NAB2: variants seen among roughly 807,000 people sequenced by gnomAD.
NAB2 encodes the protein NGFI-A binding protein 2.
NAB2 carries 9 observed loss-of-function variants against 44.2 expected under a neutral mutation model. The observed-to-expected ratio is 0.20, with a 90% confidence interval of 0.12 to 0.36. The LOEUF (loss-of-function observed/expected upper bound fraction) is 0.36. NAB2 is among the 10% of genes least tolerant of loss of function. NAB2 has a pLI of 1.00. For missense variants in NAB2, 514 were observed against 709.0 expected (o/e 0.73, Z 3.12); for synonymous variants, 342 against 291.0 (o/e 1.18, Z -1.78).
At position 57,095,326 on chromosome 12, in the gene NAB2, C is replaced by T. The variant is rs1565675657; in HGVS notation, c.*605C>T. The stretch of plus-strand genomic sequence containing the variant: ...TGTGGGATCCCTTCACTGGCCCCCT[C>T]GGGAGGCCTGGGTTGGACTCAGGGT... On this transcript the variant is annotated 3_prime_UTR_variant, in exon 7 of 7. Transcript: ENST00000300131. The T allele has an allele frequency of 1.3e-5, 2 of 153,028 alleles. No individual in the cohort carries two copies. Among genetic ancestry groups the T allele is most frequent in the African/African-American group, 2.4e-5 (1 of 41,452 alleles). The allele number at this position is 153,028 out of a possible 1,614,324, so 9.5% of individuals were successfully genotyped here. A position where few individuals can be genotyped will look rare whatever the true frequency, so the allele number is the denominator to read the frequency against.
chr12:57,094,870 T>G lies in NAB2; in HGVS notation c.*149T>G. ...CACCTGCTCCATGGGCATAAGACTG[T>G]GGGGCTTCAAGCAATAACAAGCAGA... On this transcript the variant is annotated 3_prime_UTR_variant, in exon 7 of 7. Coordinates refer to ENST00000300131, the MANE Select transcript of NAB2 (RefSeq NM_005967.4). 3.1e-6 allele frequency: 2 copies of G among 649,292 alleles called. No individual in the cohort carries two copies. Among genetic ancestry groups the G allele is most frequent in the Non-Finnish European group, 5.3e-6 (2 of 380,308 alleles). The allele number at this position is 649,292 out of a possible 1,614,324, so 40.2% of individuals were successfully genotyped here.
intron 2 of NAB2, 33 bp downstream of exon 2, chr12:57,092,031 T>G: frequency 6.4e-7 from 1 of 1,571,592 alleles, no homozygotes; most frequent in South Asian, 1.2e-5. Flanking sequence ...GGATTGCCCT[T>G]GACTTCCAGG....
Position 57,093,198 on chromosome 12 carries a change from G to C in NAB2, c.1276+3G>C. 2 of 1,595,616 alleles carry C rather than the reference G, an allele frequency of 1.3e-6. No homozygotes were observed. The highest frequency in any genetic ancestry group is 1.7e-6 in the Non-Finnish European group (2 of 1,173,988). On this transcript the variant is annotated splice_donor_region_variant and intron_variant, in intron 5 of 6. Transcript: ENST00000300131. Reference sequence around the variant, plus strand: ...GAGTCTGGATGGACATTTGCAGGGTGAGTGTGCCTCAGAACACTTTTCTCT... The same window carrying C: ...GAGTCTGGATGGACATTTGCAGGGTCAGTGTGCCTCAGAACACTTTTCTCT...
intron 6 of NAB2, 78 bp from the exon 7 acceptor site, chr12:57,094,534 C>A: frequency 1.7e-6 from 2 of 1,156,778 alleles, no homozygotes; most frequent in South Asian, 1.3e-5. Context: ...GCTTTCTTTG[C>A]CCCTGCTTCT....
intron 1 of NAB2, 135 bp downstream of exon 1, chr12:57,089,489 G>A (rs1592530457): frequency 1.3e-6 from 1 of 755,938 alleles, no homozygotes; most frequent in East Asian, 3.2e-5. Context: ...TGATGGAAAA[G>A]GGGGTGCGTC....
chr12:57,093,222 C>T (rs1304491997), intron 5 of NAB2, 27 bp downstream of exon 5: 4 of 1,314,234 alleles, frequency 3.0e-6, no homozygotes, highest in Admixed American at 1.9e-5. Flanking sequence ...ACACTTTTCT[C>T]TTCATTGAGG....
chr12:57,092,575 G>A lies in NAB2; in HGVS notation c.1085G>A (p.Gly362Asp). ...AGCACCTACTTGTCCTCCTTGAAGG[G>A]CTCCAGGTGAGACCCCTTCCCCAGG... ...RESTYLSSLK[G>D]SRLHPEELGG... The change falls in exon 3 of 7, where the codon GGC becomes GAC. Residue 362 changes from glycine to aspartate, a missense_variant. By Grantham distance (94) the Gly-to-Asp change is moderately conservative. Coordinates refer to ENST00000300131, the MANE Select transcript of NAB2 (RefSeq NM_005967.4). 6.2e-7 allele frequency: 1 copy of A among 1,614,082 alleles called. No homozygotes were observed. The highest frequency in any genetic ancestry group is 8.5e-7 in the Non-Finnish European group (1 of 1,180,000).
chr12:57,092,239 A>T, intron 2 of NAB2: 1 of 981,624 alleles, frequency 1.0e-6, no homozygotes, highest in East Asian at 2.6e-5. Flanking sequence ...AGGACCCCAC[A>T]GGAGAGGAGG....
intron 3 of NAB2, 114 bp from the exon 4 acceptor site, chr12:57,092,803 G>T (rs1450790844): frequency 2.1e-6 from 3 of 1,447,218 alleles, no homozygotes; most frequent in Non-Finnish European, 2.9e-6. Flanking sequence ...CTCTTTCTCG[G>T]CCAGCTTCTT....
Position 57,091,299 on chromosome 12 carries a change from T to G in NAB2, c.258T>G (p.Leu86=), listed in dbSNP as rs144871450. The G allele has an allele frequency of 1.3e-4, 202 of 1,610,928 alleles. 2 individuals carry two copies. The African/African-American group carries it at 1.8e-3, about 15-fold the overall frequency. Residue 86 remains leucine, a synonymous_variant, in exon 2 of 7, where the codon CTT becomes CTG. Transcript: ENST00000300131. The surrounding 1 kb of genome is among the most constrained non-coding windows in gnomAD (Gnocchi z 7.3). The part of the protein sequence containing the change: ...GEEEFLEIMA[L]VGMATKPLHV... The stretch of plus-strand genomic sequence containing the variant: ...AGGAGTTTCTGGAGATCATGGCACT[T>G]GTGGGCATGGCCACCAAGCCCCTCC...
rs1047137055 is a variant in NAB2, at chr12:57,092,567, C to T, written c.1077C>T (p.Ser359=). The T allele has an allele frequency of 1.9e-6, 3 of 1,614,014 alleles. No individual in the cohort carries two copies. The highest frequency in any genetic ancestry group is 2.7e-5 in the African/African-American group (2 of 74,914). ...QVARESTYLS[S]LKGSRLHPEE... is the part of the protein sequence containing the mutation. ...CCCGAGAGAGCACCTACTTGTCCTC[C>T]TTGAAGGGCTCCAGGTGAGACCCCT... The change falls in exon 3 of 7, where the codon TCC becomes TCT. Residue 359 remains serine, a synonymous_variant. Transcript: ENST00000300131.
At position 57,095,043 on chromosome 12, in the gene NAB2, T is replaced by C. The variant is rs2033319399; in HGVS notation, c.*322T>C. On this transcript the variant is annotated 3_prime_UTR_variant, in exon 7 of 7. Transcript: ENST00000300131. Reference sequence around the variant, plus strand: ...TCTCTTTAGGTTTGCACCAGTGGTGTGAGCAGTTGGACTCAGTTTGGACAA... The same window carrying C: ...TCTCTTTAGGTTTGCACCAGTGGTGCGAGCAGTTGGACTCAGTTTGGACAA... 1 of 288,786 alleles carries C rather than the reference T, an allele frequency of 3.5e-6. No individual in the cohort carries two copies. Among genetic ancestry groups the C allele is most frequent in the African/African-American group, 2.2e-5 (1 of 45,420 alleles). The allele number at this position is 288,786 out of a possible 1,614,324, so 17.9% of individuals were successfully genotyped here.
chr12:57,089,911 A>C (rs2033145461), intron 1 of NAB2, among the ~76,000 whole-genome samples: 1 of 152,100 alleles, frequency 6.6e-6, no homozygotes, highest in African/African-American at 2.4e-5. Context: ...CCCCCACTCC[A>C]CTTGAAGATG....
Position 57,091,354 on chromosome 12 carries a change from G to C in NAB2, c.313G>C (p.Glu105Gln), listed in dbSNP as rs941575820. The change falls in exon 2 of 7, where the codon GAG becomes CAG. Residue 105 changes from glutamate to glutamine, a missense_variant. Physicochemically the swap from Glu to Gln is conservative, Grantham distance 29. Coordinates refer to ENST00000300131, the MANE Select transcript of NAB2 (RefSeq NM_005967.4). The surrounding 1 kb of genome is among the most constrained non-coding windows in gnomAD (Gnocchi z 7.3). ...HVRRLQKALR[E>Q]WATNPGLFSQ... ...CCGGCGCCTGCAGAAGGCACTGAGA[G>C]AGTGGGCCACCAATCCAGGGCTCTT... The C allele has an allele frequency of 6.2e-6, 10 of 1,614,078 alleles. No individual in the cohort carries two copies. Among genetic ancestry groups the C allele is most frequent in the Non-Finnish European group, 8.5e-6 (10 of 1,180,016 alleles).
Position 57,091,673 on chromosome 12 carries a change from C to T in NAB2, c.632C>T (p.Pro211Leu), listed in dbSNP as rs1371106131. The T allele has an allele frequency of 6.2e-7, 1 of 1,611,766 alleles. No homozygotes were observed. The highest frequency in any genetic ancestry group is 8.5e-7 in the Non-Finnish European group (1 of 1,178,718). Residue 211 changes from proline to leucine, a missense_variant, in exon 2 of 7, where the codon CCT becomes CTT. Transcript: ENST00000300131. This position sits in a 1 kb window ranked among gnomAD's most constrained non-coding sequence, Gnocchi z 7.3. ...GCTGGCTCGCCCCCCTTCTCCCCCC[C>T]TGCAGGGGGAGGAGTCCCTGAGGGG... ...EEAGSPPFSP[P>L]AGGGVPEGTG...
Position 57,091,472 on chromosome 12 carries a change from G to A in NAB2, c.431G>A (p.Gly144Glu). The change falls in exon 2 of 7, where the codon GGG becomes GAG. Residue 144 changes from glycine to glutamate, a missense_variant. By Grantham distance (98) the Gly-to-Glu change is moderately conservative. Transcript: ENST00000300131. The surrounding 1 kb of genome is among the most constrained non-coding windows in gnomAD (Gnocchi z 7.3). ...ACCCGGAAAGGGAGCATGAGCAATG[G>A]GCATGGCAGCCCAGGGGAAAAGGCA... ...AGTRKGSMSN[G>E]HGSPGEKAGS... The A allele has an allele frequency of 2.5e-6, 4 of 1,614,196 alleles. No individual in the cohort carries two copies. The highest frequency in any genetic ancestry group is 3.4e-6 in the Non-Finnish European group (4 of 1,180,046).
chr12:57,089,375 A>G (rs2033122404), intron 1 of NAB2, 21 bp downstream of exon 1: 1 of 1,438,118 alleles, frequency 7.0e-7, no homozygotes, highest in African/African-American at 1.5e-5. Context: ...AAAGGGAGGC[A>G]GCGGGGAGTG....
Position 57,093,474 on chromosome 12 carries a change from G to T in NAB2, c.1344G>T (p.Gly448=). The part of the protein sequence containing the change: ...ADLPLALPAH[G]LWSRHILQQT... ...TGCCTCTGGCATTGCCAGCCCATGGGCTATGGAGCCGACACATCCTGCAGC... is the reference window on the plus strand; with the variant it reads ...TGCCTCTGGCATTGCCAGCCCATGGTCTATGGAGCCGACACATCCTGCAGC... The change falls in exon 6 of 7, where the codon GGG becomes GGT. Residue 448 remains glycine, a synonymous_variant. Coordinates refer to ENST00000300131, the MANE Select transcript of NAB2 (RefSeq NM_005967.4). 6.3e-7 allele frequency: 1 copy of T among 1,599,120 alleles called. No homozygotes were observed. The highest frequency in any genetic ancestry group is 8.5e-7 in the Non-Finnish European group (1 of 1,173,830).
At chr12:57,090,048 C>T (rs2033151213) in intron 1 of NAB2, among the ~76,000 whole-genome samples, 1 of 152,206 alleles carries the variant, frequency 6.6e-6, no homozygotes, top group African/African-American at 2.4e-5. Context: ...GCCCCTCCCC[C>T]TGCCACGGCC....
Sources: gnomAD v4.1 joint callset for allele counts (sites outside exome capture counted in the v4.1 genomes callset) on GRCh38, gnomAD v4.1.1 for gene constraint, Gnocchi (gnomAD v3.1) non-coding constraint, MANE v1.5 for transcripts, NCBI Gene and HGNC (gene_info 2026-07-23, HGNC 2026-07-21) for gene names.